The following FRY variants were observed in gnomAD, a reference collection of about 807,000 sequenced individuals.
FRY encodes the protein protein furry homolog.
In FRY, 128 loss-of-function variants were observed where a neutral mutation model predicts 348.4. The ratio of observed to expected loss-of-function variants is 0.37; its 90% confidence interval spans 0.32 to 0.43. FRY has a LOEUF of 0.43. Among genes scored for constraint, FRY ranks in the 20% least tolerant of loss-of-function variants. The probability of loss-of-function intolerance (pLI) is 1.00; values close to 1 mark genes in which losing one functional copy is unlikely to be tolerated. For synonymous variants in FRY, 1,370 were observed against 1,374.7 expected, an observed-to-expected ratio of 1.00 and a Z score of 0.08; for missense variants, 2,736 against 3,695.2, an observed-to-expected ratio of 0.74 and a Z score of 6.73.
intron 7 of FRY, among the ~76,000 whole-genome samples, chr13:32,125,988 G>A (rs1172215347): frequency 6.6e-6 from 1 of 152,134 alleles, no homozygotes; most frequent in Non-Finnish European, 1.5e-5. Flanking sequence ...GGGCCATTTT[G>A]CATGAGGCTA....
intron 3 of FRY, among the ~76,000 whole-genome samples, chr13:32,114,905 T>A (rs183357194): frequency 3.6e-4 from 55 of 152,332 alleles, no homozygotes; most frequent in African/African-American, 1.3e-3. Flanking sequence ...AGGAAAAATA[T>A]GTCTTGGCTG....
intron 10 of FRY, 74 bp from the exon 11 acceptor site, chr13:32,136,797 G>T: frequency 1.1e-6 from 1 of 900,508 alleles, no homozygotes; most frequent in South Asian, 1.3e-5. Context: ...GCAAGGTAGT[G>T]GGTACAGAGA....
intron 59 of FRY, among the ~76,000 whole-genome samples, chr13:32,292,370 A>G (rs904728807): frequency 3.3e-5 from 5 of 152,356 alleles, no homozygotes; most frequent in East Asian, 1.9e-4. Flanking sequence ...ACAATATTAC[A>G]TAAACTTAGT....
At chr13:32,181,575 CAA>C (rs35272711) in intron 23 of FRY, among the ~76,000 whole-genome samples, 3 of 59,014 alleles carry the variant, frequency 5.1e-5, no homozygotes, top group Non-Finnish European at 3.2e-5. Flanking sequence ...ACTCCGTCAC[CAA>C]AAAAAAAAAA....
At chr13:32,165,065 A>G (rs904513332) in intron 17 of FRY, among the ~76,000 whole-genome samples, 1 of 141,554 alleles carries the variant, frequency 7.1e-6, no homozygotes, top group East Asian at 2.0e-4. Flanking sequence ...ATGTTAGGTA[A>G]GCTGGGCACA....
chr13:32,238,608 C>A (rs1289312949), intron 44 of FRY, among the ~76,000 whole-genome samples: 1 of 152,068 alleles, frequency 6.6e-6, no homozygotes, highest in African/African-American at 2.4e-5. Context: ...TACGCCACCA[C>A]GCCCAGCTAA....
intron 4 of FRY, among the ~76,000 whole-genome samples, chr13:32,120,617 A>C (rs1878592170): frequency 6.6e-6 from 1 of 151,206 alleles, no homozygotes; most frequent in African/African-American, 2.4e-5. Flanking sequence ...CCCTCGCCCC[A>C]CTCCCACTCT....
intron 1 of FRY, among the ~76,000 whole-genome samples, chr13:32,047,083 G>A (rs932151989): frequency 5.3e-5 from 8 of 152,148 alleles, no homozygotes; most frequent in African/African-American, 1.9e-4. Context: ...ACATAATCAT[G>A]TATATCTCTT....
At chr13:32,246,940 C>G (rs769636174) in intron 47 of FRY, among the ~76,000 whole-genome samples, 4 of 111,082 alleles carry the variant, frequency 3.6e-5, no homozygotes, top group African/African-American at 7.0e-5. Context: ...GAAGGAGGAC[C>G]AAGAAGACTG....
chr13:32,248,007 C>G (rs1434043199), intron 48 of FRY, among the ~76,000 whole-genome samples: 1 of 152,028 alleles, frequency 6.6e-6, no homozygotes, highest in African/African-American at 2.4e-5. Context: ...GACTAGGGAC[C>G]CAAGCTAAGG....
At chr13:32,137,015 A>G in intron 11 of FRY, 43 bp downstream of exon 11, 1 of 1,139,678 alleles carries the variant, frequency 8.8e-7, no homozygotes, top group Non-Finnish European at 1.3e-6. Flanking sequence ...TAAAAAATTT[A>G]CAGTAGTTTT....
At chr13:32,293,091 C>A (rs898042214) in intron 59 of FRY, among the ~76,000 whole-genome samples, 23 of 152,136 alleles carry the variant, frequency 1.5e-4, no homozygotes, top group African/African-American at 3.6e-4. Flanking sequence ...ATGGGGAAAT[C>A]AAAAAATTGA....
At chr13:32,135,205 G>A (rs376075565) in intron 10 of FRY, 22 bp downstream of exon 10, 13 of 1,424,968 alleles carry the variant, frequency 9.1e-6, no homozygotes, top group Non-Finnish European at 1.2e-5. Flanking sequence ...TGAGAAAATC[G>A]AAAACACAAA....
At chr13:32,040,661 T>A (rs963737593) in intron 1 of FRY, among the ~76,000 whole-genome samples, 1 of 152,256 alleles carries the variant, frequency 6.6e-6, no homozygotes, top group Admixed American at 6.5e-5. Context: ...TTGTTACTTT[T>A]TGCAGTTAAA....
intron 56 of FRY, chr13:32,275,251 A>G (rs896074841): frequency 3.2e-4 from 102 of 317,430 alleles, no homozygotes; most frequent in Admixed American, 6.7e-4. Flanking sequence ...AGCCGGGTGT[A>G]GTGGCAGGCG....
intron 1 of FRY, among the ~76,000 whole-genome samples, chr13:32,034,286 C>T (rs1029966420): frequency 6.6e-6 from 1 of 152,062 alleles, no homozygotes; most frequent in East Asian, 1.9e-4. Flanking sequence ...TTTTAAATGG[C>T]ACATTGTGGG....
intron 19 of FRY, among the ~76,000 whole-genome samples, chr13:32,174,234 C>A (rs946205064): frequency 1.3e-5 from 2 of 152,160 alleles, no homozygotes; most frequent in African/African-American, 4.8e-5. Context: ...TTAAAAATAA[C>A]TACTTTGGTT....
intron 1 of FRY, among the ~76,000 whole-genome samples, chr13:32,066,224 C>G (rs1408037557): frequency 6.6e-6 from 1 of 152,184 alleles, no homozygotes; most frequent in Non-Finnish European, 1.5e-5. Context: ...TAGAACGAAC[C>G]TACTTCTGGA....
At chr13:32,115,388 T>C (rs184315996) in intron 3 of FRY, among the ~76,000 whole-genome samples, 1 of 152,294 alleles carries the variant, frequency 6.6e-6, no homozygotes. Context: ...TGCCATCACC[T>C]CATGCAGTTC....
Sources: gnomAD v4.1 joint callset for allele counts (sites outside exome capture counted in the v4.1 genomes callset) on GRCh38, gnomAD v4.1.1 for gene constraint, MANE v1.5 for transcripts, NCBI Gene and HGNC (gene_info 2026-07-23, HGNC 2026-07-21) for gene names.